DOCK3: variants seen among roughly 807,000 people sequenced by gnomAD.
DOCK3 encodes dedicator of cytokinesis 3.
Under a neutral mutation model 265.6 loss-of-function variants are expected in DOCK3, and 60 were observed. The observed-to-expected ratio is 0.23, with a 90% confidence interval of 0.18 to 0.28. The LOEUF (loss-of-function observed/expected upper bound fraction) is 0.28, where lower values mean the gene tolerates loss of function less well. Among genes scored for constraint, DOCK3 ranks in the 10% least tolerant of loss-of-function variants. The pLI, the probability that DOCK3 is intolerant of heterozygous loss-of-function variation, is 1.00. For synonymous variants in DOCK3, 881 were observed against 938.0 expected (o/e 0.94, Z 1.11); for missense variants, 1,981 against 2,594.3 (o/e 0.76, Z 5.14).
At chr3:51,379,257 C>T (rs1242945273) in intron 51 of DOCK3, among the ~76,000 whole-genome samples, 1 of 152,242 alleles carries the variant, frequency 6.6e-6, no homozygotes, top group Non-Finnish European at 1.5e-5. Context: ...TCTTAAGCAG[C>T]TTCAATCCCT....
At chr3:51,314,308 C>G (rs2083247880) in intron 31 of DOCK3, among the ~76,000 whole-genome samples, 1 of 152,202 alleles carries the variant, frequency 6.6e-6, no homozygotes, top group Admixed American at 6.5e-5. Context: ...GAGGGTTGAG[C>G]TGAGCCAAGT....
chr3:50,901,248 C>G (rs1319922352), intron 4 of DOCK3, among the ~76,000 whole-genome samples: 1 of 152,176 alleles, frequency 6.6e-6, no homozygotes, highest in African/African-American at 2.4e-5. Flanking sequence ...CCAGTTTGAA[C>G]TTCCTGATGG....
At chr3:50,962,156 C>A (rs2076906885) in intron 5 of DOCK3, among the ~76,000 whole-genome samples, 1 of 152,132 alleles carries the variant, frequency 6.6e-6, no homozygotes, top group Admixed American at 6.5e-5. Context: ...CCCCTAGCCC[C>A]CAGACCCCAC....
intron 32 of DOCK3, among the ~76,000 whole-genome samples, chr3:51,319,903 T>TA (rs1364762361): frequency 6.6e-6 from 1 of 151,998 alleles, no homozygotes. Flanking sequence ...ACGCAATAGC[T>TA]ATAATGAAAA....
intron 24 of DOCK3, among the ~76,000 whole-genome samples, chr3:51,274,004 C>T (rs976483645): frequency 3.9e-5 from 6 of 152,140 alleles, no homozygotes; most frequent in Admixed American, 1.3e-4. Flanking sequence ...AAATAAAGCT[C>T]GTGAGAGGAG....
At chr3:50,980,437 T>C in intron 5 of DOCK3, among the ~76,000 whole-genome samples, 1 of 152,196 alleles carries the variant, frequency 6.6e-6, no homozygotes, top group East Asian at 1.9e-4. Context: ...GTGTGTGTTC[T>C]TGTCTGGTTT....
intron 5 of DOCK3, among the ~76,000 whole-genome samples, chr3:50,991,713 C>G (rs1170214995): frequency 6.6e-6 from 1 of 151,938 alleles, no homozygotes; most frequent in African/African-American, 2.4e-5. Context: ...TATTCAAGAC[C>G]TAAACTCTAC....
At chr3:50,988,923 C>T (rs1392901601) in intron 5 of DOCK3, among the ~76,000 whole-genome samples, 1 of 152,156 alleles carries the variant, frequency 6.6e-6, no homozygotes, top group Non-Finnish European at 1.5e-5. Flanking sequence ...CCTCCAGGGG[C>T]AACAGAAAGC....
intron 1 of DOCK3, among the ~76,000 whole-genome samples, chr3:50,676,815 A>G (rs1391321962): frequency 6.6e-6 from 1 of 152,208 alleles, no homozygotes; most frequent in African/African-American, 2.4e-5. Context: ...ATTTAACATC[A>G]TTTAACGTCA....
rs750407010 is a variant in DOCK3 at position 51,214,229 on chromosome 3, C to T, written c.1234C>T (p.Pro412Ser). 6.2e-7 allele frequency: 1 copy of T among 1,613,652 alleles called. No individual in the cohort carries two copies. Among genetic ancestry groups the T allele is most frequent in the Non-Finnish European group, 8.5e-7 (1 of 1,179,786 alleles). Residue 412 changes from proline to serine, a missense_variant, in exon 14 of 53, where the codon CCT (proline) becomes TCT (serine). By Grantham distance (74) the Pro-to-Ser change is moderately conservative. This residue lies in a region of DOCK3 where 456 missense variants were observed against 539.0 expected (regional missense o/e 0.85). Transcript: ENST00000266037. ...GLAITRKLGF[P>S]DVIMPGDIRN... ...GGCAATTACAAGAAAATTGGGATTT[C>T]CTGATGTCATTATGCCAGGTATGCA...
intron 13 of DOCK3, among the ~76,000 whole-genome samples, chr3:51,212,738 A>G (rs1403830042): frequency 6.6e-6 from 1 of 152,154 alleles, no homozygotes; most frequent in East Asian, 1.9e-4. Flanking sequence ...GCTTAAGATA[A>G]TTACTTTAGA....
At chr3:51,017,863 G>A (rs748130882) in intron 5 of DOCK3, among the ~76,000 whole-genome samples, 4 of 151,794 alleles carry the variant, frequency 2.6e-5, no homozygotes, top group African/African-American at 4.9e-5. Flanking sequence ...TTCTGTCAAC[G>A]ATGTGTGACA....
In DOCK3 at chr3:50,675,226, C is replaced by A. The variant is rs923971159; in HGVS notation, c.-38C>A. ...GCGGCCGTCCCCGCCGCGTTGTCGCCCGGTCGCCGCGCCCGCGGGGCCGCG... is the reference window on the plus strand; with the variant it reads ...GCGGCCGTCCCCGCCGCGTTGTCGCACGGTCGCCGCGCCCGCGGGGCCGCG... On this transcript the variant is annotated 5_prime_UTR_variant, in exon 1 of 53. Coordinates refer to ENST00000266037, the MANE Select transcript of DOCK3 (RefSeq NM_004947.5). The surrounding 1 kb of genome is among the most constrained non-coding windows in gnomAD (Gnocchi z 6.1). 8.8e-7 allele frequency: 1 copy of A among 1,142,610 alleles called. No individual in the cohort carries two copies. The highest frequency in any genetic ancestry group is 1.1e-6 in the Non-Finnish European group (1 of 925,528). The allele number at this position is 1,142,610 out of a possible 1,614,324, so 70.8% of individuals were successfully genotyped here.
At chr3:50,855,054 G>A (rs1187088288) in intron 3 of DOCK3, among the ~76,000 whole-genome samples, 4 of 152,022 alleles carry the variant, frequency 2.6e-5, no homozygotes, top group East Asian at 1.9e-4. Context: ...TTTGAAGTTA[G>A]GTTATGTGAT....
chr3:51,265,544 A>C (rs907773091), intron 23 of DOCK3, among the ~76,000 whole-genome samples: 1 of 152,250 alleles, frequency 6.6e-6, no homozygotes, highest in African/African-American at 2.4e-5. Flanking sequence ...GGCTGGTTCA[A>C]CCTACACAAA....
At chr3:51,083,648 A>G (rs79317868) in intron 7 of DOCK3, among the ~76,000 whole-genome samples, 6,996 of 152,240 alleles carry the variant, frequency 0.046, 582 homozygotes, top group African/African-American at 0.16. Context: ...GAAAGAAAAA[A>G]TACAGTCAAG....
At chr3:50,995,101 T>A (rs2078232066) in intron 5 of DOCK3, among the ~76,000 whole-genome samples, 1 of 152,074 alleles carries the variant, frequency 6.6e-6, no homozygotes, top group African/African-American at 2.4e-5. Flanking sequence ...CATTTAGTAT[T>A]ATTTTAATAC....
At chr3:51,230,479 G>A (rs2090497774) in intron 19 of DOCK3, among the ~76,000 whole-genome samples, 1 of 151,914 alleles carries the variant, frequency 6.6e-6, no homozygotes, top group African/African-American at 2.4e-5. Flanking sequence ...GGTATTCCAT[G>A]GTGTACATGT....
intron 2 of DOCK3, chr3:50,787,594 G>T: frequency 9.0e-7 from 1 of 1,112,048 alleles, no homozygotes; most frequent in Non-Finnish European, 1.3e-6. Flanking sequence ...CTGCACTGGT[G>T]CTTCAGGCTC....
Sources: gnomAD v4.1 joint callset for allele counts (sites outside exome capture counted in the v4.1 genomes callset) on GRCh38, gnomAD v4.1.1 for gene constraint, gnomAD v4.1.1 regional missense constraint, Gnocchi (gnomAD v3.1) non-coding constraint, MANE v1.5 for transcripts, NCBI Gene and HGNC (gene_info 2026-07-23, HGNC 2026-07-21) for gene names.